Variants in GABRG3 observed in about 807,000 individuals in gnomAD.
GABRG3 encodes gamma-aminobutyric acid type A receptor subunit gamma3.
In GABRG3, 25 loss-of-function variants were observed where a neutral mutation model predicts 48.8. The ratio of observed to expected loss-of-function variants is 0.51; its 90% confidence interval spans 0.37 to 0.72. GABRG3 has a LOEUF of 0.72. GABRG3 is among the 30% of genes least tolerant of loss of function. The pLI is 0.00. For synonymous variants in GABRG3, 227 were observed against 217.6 expected (o/e 1.04, Z -0.38); for missense variants, 394 against 577.9 (o/e 0.68, Z 3.26).
intron 2 of GABRG3, among the ~76,000 whole-genome samples, chr15:27,003,562 C>T (rs1895502647): frequency 6.6e-6 from 1 of 152,178 alleles, no homozygotes; most frequent in Admixed American, 6.5e-5. Context: ...TCAACAGGAT[C>T]CCAAGGCAGA....
intron 6 of GABRG3, among the ~76,000 whole-genome samples, chr15:27,497,867 T>C (rs189457778): frequency 1.2e-4 from 19 of 152,324 alleles, no homozygotes; most frequent in South Asian, 4.1e-4. Context: ...AGGTCCATCA[T>C]TGAAACTTCA....
intron 3 of GABRG3, among the ~76,000 whole-genome samples, chr15:27,311,183 C>T (rs979520246): frequency 2.0e-5 from 3 of 152,170 alleles, no homozygotes; most frequent in Non-Finnish European, 4.4e-5. Flanking sequence ...GGACAAATTT[C>T]CTGTGAAGTC....
chr15:27,369,093 T>C (rs1895308867), intron 5 of GABRG3, among the ~76,000 whole-genome samples: 1 of 152,248 alleles, frequency 6.6e-6, no homozygotes, highest in South Asian at 2.1e-4. Context: ...ATGTGTAATA[T>C]TAAAATGCAC....
rs1443967996 is a variant in GABRG3 at position 27,336,232 on chromosome 15, G to GA, written c.574+7345dup. Among the ~76,000 whole-genome samples the GA allele has an allele frequency of 3.0e-3, 381 of 128,514 alleles. 2 individuals are homozygous for GA. Among genetic ancestry groups the GA allele is most frequent in the African/African-American group, 0.014 (362 of 25,556 alleles). The allele number at this position is 128,514 out of a possible 152,430, so 84.3% of individuals were successfully genotyped here. A position where few individuals can be genotyped will look rare whatever the true frequency, so the allele number is the denominator to read the frequency against. ...AAAGAGAGAGAGAGAGAGAGAGAGA[G>GA]AGGAGAAGAAAAGAAAGAAAGAAAA... is the stretch of plus-strand genomic sequence containing the variant. On this transcript the variant is annotated intron_variant, in intron 5 of 9. Transcript: ENST00000615808.
chr15:27,405,727 G>C (rs1887610691), intron 5 of GABRG3, among the ~76,000 whole-genome samples: 1 of 152,154 alleles, frequency 6.6e-6, no homozygotes, highest in South Asian at 2.1e-4. Context: ...TGTGCTGAGA[G>C]GGTTTTGAAG....
intron 3 of GABRG3, among the ~76,000 whole-genome samples, chr15:27,297,440 A>G (rs2140490499): frequency 6.6e-6 from 1 of 152,242 alleles, no homozygotes; most frequent in South Asian, 2.1e-4. Context: ...TGACCTATAC[A>G]GGTGTAGCAT....
At chr15:27,385,045 C>G (rs932961114) in intron 5 of GABRG3, among the ~76,000 whole-genome samples, 1 of 152,130 alleles carries the variant, frequency 6.6e-6, no homozygotes, top group East Asian at 1.9e-4. Context: ...CGAAAATGTT[C>G]CTCCTGCCCT....
chr15:27,306,634 A>ATGTT (rs1892488778), intron 3 of GABRG3, among the ~76,000 whole-genome samples: 1 of 114,950 alleles, frequency 8.7e-6, no homozygotes, highest in East Asian at 2.3e-4. Flanking sequence ...ATATAAACAT[A>ATGTT]TATTTATATA....
intron 2 of GABRG3, among the ~76,000 whole-genome samples, chr15:26,987,313 C>T (rs535944684): frequency 6.6e-6 from 1 of 152,188 alleles, no homozygotes; most frequent in African/African-American, 2.4e-5. Flanking sequence ...TTATGAGTAC[C>T]GGAATAGAGC....
At chr15:27,191,006 GT>G (rs1888281300) in intron 3 of GABRG3, among the ~76,000 whole-genome samples, 1 of 152,126 alleles carries the variant, frequency 6.6e-6, no homozygotes, top group Non-Finnish European at 1.5e-5. Flanking sequence ...TCAGGAGCAG[GT>G]TGTTCAGTTT....
chr15:27,383,495 GA>G (rs1444847260), intron 5 of GABRG3, among the ~76,000 whole-genome samples: 1 of 152,130 alleles, frequency 6.6e-6, no homozygotes, highest in African/African-American at 2.4e-5. Flanking sequence ...TAGTTGCCCA[GA>G]AAAATTCTGA....
At chr15:27,484,294 A>T (rs1210598486) in intron 6 of GABRG3, among the ~76,000 whole-genome samples, 1 of 152,194 alleles carries the variant, frequency 6.6e-6, no homozygotes, top group Non-Finnish European at 1.5e-5. Flanking sequence ...AATTGCAATA[A>T]GTAAACCTCC....
chr15:26,989,142 A>G (rs950843076), intron 2 of GABRG3, among the ~76,000 whole-genome samples: 1 of 152,176 alleles, frequency 6.6e-6, no homozygotes, highest in Admixed American at 6.5e-5. Flanking sequence ...ATTTGCCTGT[A>G]ATGTACCTTT....
intron 3 of GABRG3, among the ~76,000 whole-genome samples, chr15:27,105,027 G>A (rs982159537): frequency 2.0e-5 from 3 of 152,080 alleles, no homozygotes; most frequent in East Asian, 1.9e-4. Flanking sequence ...ACTATATGCT[G>A]TTTACAAGAA....
At chr15:26,979,017 T>C (rs1216346193) in intron 2 of GABRG3, among the ~76,000 whole-genome samples, 1 of 152,234 alleles carries the variant, frequency 6.6e-6, no homozygotes, top group Non-Finnish European at 1.5e-5. Context: ...ATCAGTGGTT[T>C]CTAGTTTTCA....
In GABRG3 at chr15:27,402,727, C is replaced by T. The variant is rs148691853; in HGVS notation, c.574+73839C>T. 9.8e-5 allele frequency among the ~76,000 whole-genome samples: 15 copies of T among 152,310 alleles called. No homozygotes were observed. In the East Asian group the frequency reaches 2.7e-3, roughly 27 times the overall value. ...TGTCTTAAGCCCCAAATTATGTTTA[C>T]AAATTTTCATATTCAATATCCAGGG... On this transcript the variant is annotated intron_variant, in intron 5 of 9. Transcript: ENST00000615808.
intron 3 of GABRG3, among the ~76,000 whole-genome samples, chr15:27,027,798 A>C (rs1258867911): frequency 1.3e-5 from 2 of 152,210 alleles, no homozygotes; most frequent in Non-Finnish European, 2.9e-5. Context: ...ATTAAAATCA[A>C]GTTGTGAGTG....
intron 3 of GABRG3, among the ~76,000 whole-genome samples, chr15:27,173,000 C>T (rs753564491): frequency 5.9e-5 from 9 of 152,228 alleles, no homozygotes; most frequent in Non-Finnish European, 8.8e-5. Context: ...TTGTACCCTG[C>T]GTCATTTGGG....
At chr15:27,480,617 C>A in intron 5 of GABRG3, 33 bp from the exon 6 acceptor site, 1 of 1,537,462 alleles carries the variant, frequency 6.5e-7, no homozygotes, top group Non-Finnish European at 8.9e-7. Flanking sequence ...AAATGTGTAC[C>A]TTCAAGTGCT....
Sources: allele counts gnomAD v4.1 joint callset (sites outside exome capture counted in the v4.1 genomes callset), GRCh38; gene constraint gnomAD v4.1.1; transcripts MANE v1.5; gene names NCBI Gene and HGNC (gene_info 2026-07-23, HGNC 2026-07-21).